The following ASIC2 variants were observed in gnomAD, a reference collection of about 807,000 sequenced individuals.
The protein encoded by ASIC2 is acid sensing ion channel subunit 2, also known as acid-sensing ion channel 2.
ASIC2 carries 25 observed loss-of-function variants against 57.3 expected under a neutral mutation model. The ratio of observed to expected loss-of-function variants is 0.44; its 90% CI spans 0.32 to 0.61. ASIC2 has a LOEUF of 0.61. ASIC2 is among the 20% of genes least tolerant of loss of function. The pLI is 0.06. For synonymous variants in ASIC2, 319 were observed against 307.5 expected (o/e 1.04, Z -0.39); for missense variants, 641 against 738.1 (o/e 0.87, Z 1.52).
intron 1 of ASIC2, among the ~76,000 whole-genome samples, chr17:33,172,954 CTCCTGTGCCTGGCTGT>C (rs377294701): frequency 0.014 from 2,204 of 152,308 alleles, 36 homozygotes; most frequent in Middle Eastern, 0.041. Context: ...ATCCTGGCTG[CTCCTGTGCCTGGCTGT>C]GGGCCCATGA....
intron 1 of ASIC2, among the ~76,000 whole-genome samples, chr17:33,835,382 G>A (rs182181375): frequency 3.2e-4 from 49 of 152,154 alleles, no homozygotes; most frequent in Admixed American, 1.6e-3. Flanking sequence ...CTTCTTGTCC[G>A]TTGATTTGTC....
At chr17:33,337,867 G>T (rs925329863) in intron 1 of ASIC2, among the ~76,000 whole-genome samples, 6 of 151,690 alleles carry the variant, frequency 4.0e-5, no homozygotes, top group Non-Finnish European at 8.8e-5. Context: ...GAGGTGTTCT[G>T]GAAGGGCAAA....
At chr17:34,010,742 T>A (rs754621364) in intron 1 of ASIC2, among the ~76,000 whole-genome samples, 1 of 148,440 alleles carries the variant, frequency 6.7e-6, no homozygotes, top group Admixed American at 6.7e-5. Context: ...GAAACACCCA[T>A]ACAAACACTC....
chr17:33,135,407 C>T (rs1177573835), intron 1 of ASIC2, among the ~76,000 whole-genome samples: 2 of 152,264 alleles, frequency 1.3e-5, no homozygotes, highest in Middle Eastern at 3.4e-3. Context: ...GTCTTGTTCC[C>T]GGATTAATTT....
At chr17:33,044,875 G>A (rs560447040) in intron 3 of ASIC2, among the ~76,000 whole-genome samples, 7 of 152,272 alleles carry the variant, frequency 4.6e-5, no homozygotes, top group South Asian at 2.1e-4. Flanking sequence ...GGTGCCATCC[G>A]GAAAAGACTT....
At chr17:33,214,093 A>AGCAT (rs1840800748) in intron 1 of ASIC2, among the ~76,000 whole-genome samples, 1 of 152,198 alleles carries the variant, frequency 6.6e-6, no homozygotes, top group Non-Finnish European at 1.5e-5. Context: ...TGCCCAGGGT[A>AGCAT]GCATGGCATG....
At chr17:33,804,219 C>T (rs900403291) in intron 1 of ASIC2, among the ~76,000 whole-genome samples, 1 of 152,182 alleles carries the variant, frequency 6.6e-6, no homozygotes, top group African/African-American at 2.4e-5. Flanking sequence ...TATATTTACC[C>T]ATTTAATAAC....
At chr17:33,071,463 T>A (rs1197764048) in intron 3 of ASIC2, among the ~76,000 whole-genome samples, 1 of 152,226 alleles carries the variant, frequency 6.6e-6, no homozygotes, top group Admixed American at 6.5e-5. Flanking sequence ...TGTCCATCCT[T>A]TGAACTTATG....
At chr17:33,054,183 C>T (rs1267072858) in intron 3 of ASIC2, among the ~76,000 whole-genome samples, 1 of 152,154 alleles carries the variant, frequency 6.6e-6, no homozygotes, top group Non-Finnish European at 1.5e-5. Flanking sequence ...TTTATCCCAG[C>T]ACCTGCAACA....
At chr17:33,166,018 T>C (rs997841022) in intron 1 of ASIC2, among the ~76,000 whole-genome samples, 3 of 152,198 alleles carry the variant, frequency 2.0e-5, no homozygotes, top group African/African-American at 4.8e-5. Flanking sequence ...TGTCTCAATG[T>C]AGTGGACACT....
At chr17:33,209,931 C>T (rs1907209216) in intron 1 of ASIC2, among the ~76,000 whole-genome samples, 1 of 152,118 alleles carries the variant, frequency 6.6e-6, no homozygotes, top group Non-Finnish European at 1.5e-5. Context: ...AAACTATGTC[C>T]AAATAGGGAA....
chr17:33,020,252 G>T (rs1020832759), intron 7 of ASIC2, among the ~76,000 whole-genome samples: 1 of 152,112 alleles, frequency 6.6e-6, no homozygotes, highest in African/African-American at 2.4e-5. Flanking sequence ...GGGCTAGGGG[G>T]TTATCATGTT....
chr17:33,378,183 A>G (rs535289317), intron 1 of ASIC2, among the ~76,000 whole-genome samples: 8 of 152,276 alleles, frequency 5.3e-5, no homozygotes, highest in African/African-American at 1.9e-4. Flanking sequence ...CACTTTCTAA[A>G]TTTTGAATGA....
At chr17:33,452,360 C>T (rs1456767880) in intron 1 of ASIC2, among the ~76,000 whole-genome samples, 1 of 152,226 alleles carries the variant, frequency 6.6e-6, no homozygotes, top group East Asian at 1.9e-4. Flanking sequence ...AGGCTTAAAT[C>T]AGATAGCTTT....
At chr17:33,614,353 T>A (rs1905524888) in intron 1 of ASIC2, among the ~76,000 whole-genome samples, 9 of 152,188 alleles carry the variant, frequency 5.9e-5, no homozygotes. Flanking sequence ...TTCCTGAACT[T>A]CTGCCCCAAA....
At chr17:33,856,164 G>A (rs1188765953) in intron 1 of ASIC2, among the ~76,000 whole-genome samples, 1 of 152,160 alleles carries the variant, frequency 6.6e-6, no homozygotes, top group East Asian at 1.9e-4. Context: ...CATCTGACTG[G>A]CCTACCTCTT....
chr17:34,082,121 G>A (rs181522444), intron 1 of ASIC2: 1 of 152,202 alleles, frequency 6.6e-6, no homozygotes, highest in East Asian at 1.9e-4. Context: ...CATGCTTAAA[G>A]GTCTTTCTCA....
chr17:34,008,789 C>T (rs776256687), intron 1 of ASIC2, among the ~76,000 whole-genome samples: 5 of 152,174 alleles, frequency 3.3e-5, no homozygotes, highest in Admixed American at 1.3e-4. Flanking sequence ...TTGCCCAAAG[C>T]GAAGGCTGCA....
intron 1 of ASIC2, among the ~76,000 whole-genome samples, chr17:33,584,667 A>G (rs1457839152): frequency 3.4e-5 from 5 of 145,970 alleles, no homozygotes; most frequent in Non-Finnish European, 7.5e-5. Flanking sequence ...AGAGAGTGGC[A>G]GGAGATCCAT....
Sources: gnomAD v4.1 joint callset for allele counts (sites outside exome capture counted in the v4.1 genomes callset) on GRCh38, gnomAD v4.1.1 for gene constraint, MANE v1.5 for transcripts, NCBI Gene and HGNC (gene_info 2026-07-23, HGNC 2026-07-21) for gene names.